Variants in DKK2 observed in about 807,000 individuals in gnomAD.
The protein encoded by DKK2 is dickkopf Wnt signaling pathway inhibitor 2.
A neutral mutation model predicts 28.1 loss-of-function variants in DKK2; 11 were observed. The observed-to-expected ratio is 0.39, with a 90% CI of 0.25 to 0.65. The LOEUF (loss-of-function observed/expected upper bound fraction) is 0.65, where lower values mean the gene tolerates loss of function less well. Among genes scored for constraint, DKK2 ranks in the 30% least tolerant of loss-of-function variants. The probability of loss-of-function intolerance (pLI) is 0.47; values close to 1 mark genes in which losing one functional copy is unlikely to be tolerated. For synonymous variants in DKK2, 135 were observed against 126.5 expected (o/e 1.07, Z -0.45); for missense variants, 326 against 335.5 (o/e 0.97, Z 0.22).
At chr4:106,993,918 A>G (rs1183875949) in intron 1 of DKK2, among the ~76,000 whole-genome samples, 1 of 152,168 alleles carries the variant, frequency 6.6e-6, no homozygotes, top group Non-Finnish European at 1.5e-5. Flanking sequence ...GAGATGGAGA[A>G]TTTATATGAG....
At position 107,035,672 on chromosome 4, in the gene DKK2, C is replaced by T; in HGVS notation, c.-81G>A. 2 of 1,497,064 alleles carry T rather than the reference C, an allele frequency of 1.3e-6. No individual in the cohort carries two copies. The highest frequency in any genetic ancestry group is 1.8e-6 in the Non-Finnish European group (2 of 1,093,148). 92.7% of individuals were successfully genotyped at this position (1,497,064 alleles called of 1,614,324 possible). On this transcript the variant is annotated 5_prime_UTR_variant, in exon 1 of 4. Transcript: ENST00000285311. ...AGGGAGGGAGGACCCCAACACGGGG[C>T]CCCTCACTTGGGTCGCGGGGGCTTG...
At position 106,957,647 on chromosome 4, in the gene DKK2, G is replaced by A. The variant is rs1197222695; in HGVS notation, c.223-31698C>T. On this transcript the variant is annotated intron_variant, in intron 1 of 3. Coordinates refer to ENST00000285311, the MANE Select transcript of DKK2 (RefSeq NM_014421.3). ...AAATCATCATTCTCAGTAAACTATC[G>A]CAAGGACAAAAAACCAAACACCACA... Among the ~76,000 whole-genome samples the A allele has an allele frequency of 4.4e-3, 652 of 147,900 alleles. 4 individuals are homozygous for A. The highest frequency in any genetic ancestry group is 0.015 in the African/African-American group (617 of 40,046).
intron 1 of DKK2, among the ~76,000 whole-genome samples, chr4:107,005,856 A>G (rs1017811440): frequency 5.3e-5 from 8 of 152,230 alleles, no homozygotes; most frequent in African/African-American, 1.7e-4. Flanking sequence ...ACTTACAAGA[A>G]GTTGTTCAGC....
chr4:106,983,802 G>A (rs140982514), intron 1 of DKK2, among the ~76,000 whole-genome samples: 28 of 152,254 alleles, frequency 1.8e-4, no homozygotes, highest in African/African-American at 5.1e-4. Flanking sequence ...GGCAAAAGAC[G>A]TGAAGAGACA....
intron 1 of DKK2, among the ~76,000 whole-genome samples, chr4:107,014,533 C>T (rs1364397060): frequency 6.6e-6 from 1 of 150,824 alleles, no homozygotes; most frequent in African/African-American, 2.4e-5. Context: ...TCATGGGGTA[C>T]AAAGTTACAG....
intron 1 of DKK2, among the ~76,000 whole-genome samples, chr4:106,962,275 A>G (rs1476418861): frequency 6.6e-6 from 1 of 152,168 alleles, no homozygotes; most frequent in African/African-American, 2.4e-5. Context: ...GGTAGTTATT[A>G]ATGACATTCT....
chr4:106,959,511 T>C (rs1722654966), intron 1 of DKK2, among the ~76,000 whole-genome samples: 1 of 152,054 alleles, frequency 6.6e-6, no homozygotes, highest in African/African-American at 2.4e-5. Flanking sequence ...TTTTCAAATA[T>C]TGCCTAAGAG....
intron 1 of DKK2, among the ~76,000 whole-genome samples, chr4:107,022,360 G>A (rs1723710309): frequency 6.6e-6 from 1 of 152,114 alleles, no homozygotes; most frequent in Non-Finnish European, 1.5e-5. Flanking sequence ...TGAAGAATTT[G>A]AATCACATCT....
At chr4:106,956,388 T>C (rs1722590650) in intron 1 of DKK2, among the ~76,000 whole-genome samples, 1 of 152,098 alleles carries the variant, frequency 6.6e-6, no homozygotes, top group Non-Finnish European at 1.5e-5. Flanking sequence ...CTTCACAGAA[T>C]TGGAAAAAAC....
intron 1 of DKK2, among the ~76,000 whole-genome samples, chr4:107,013,268 C>T (rs1211037937): frequency 6.6e-6 from 1 of 151,250 alleles, no homozygotes; most frequent in Admixed American, 6.6e-5. Context: ...AGGCATCATA[C>T]TATTAATACC....
chr4:107,005,988 C>CA (rs1723432375), intron 1 of DKK2, among the ~76,000 whole-genome samples: 1 of 152,036 alleles, frequency 6.6e-6, no homozygotes, highest in African/African-American at 2.4e-5. Context: ...CTTATCTCTA[C>CA]AAAAATGAGT....
At chr4:106,958,851 A>G (rs536003995) in intron 1 of DKK2, among the ~76,000 whole-genome samples, 3,270 of 151,058 alleles carry the variant, frequency 0.022, 49 homozygotes, top group Non-Finnish European at 0.033. Context: ...AAAAAAAAAA[A>G]AAAAGAAAGA....
At chr4:107,032,396 A>G (rs911115610) in intron 1 of DKK2, among the ~76,000 whole-genome samples, 2 of 152,104 alleles carry the variant, frequency 1.3e-5, no homozygotes, top group African/African-American at 2.4e-5. Context: ...CACCTTGCCT[A>G]TGGAACAAGT....
At chr4:106,972,285 T>C (rs1384590219) in intron 1 of DKK2, among the ~76,000 whole-genome samples, 1 of 152,042 alleles carries the variant, frequency 6.6e-6, no homozygotes, top group Non-Finnish European at 1.5e-5. Context: ...ATTCACTAAT[T>C]ACAAAGCAAG....
Position 107,035,600 on chromosome 4 carries a change from G to A in DKK2, c.-9C>T, listed in dbSNP as rs199592312. ...CGCATCAACGCGGCCATCTCCCGGC[G>A]AGGGGGTCCCCAGGAAGACGCAAAG... is the stretch of plus-strand genomic sequence containing the variant. On this transcript the variant is annotated 5_prime_UTR_variant, in exon 1 of 4. Transcript: ENST00000285311. The A allele has an allele frequency of 1.5e-5, 25 of 1,613,464 alleles. No individual in the cohort carries two copies. In the Admixed American group the frequency reaches 2.0e-4, roughly 13 times the overall value.
chr4:106,962,491 ATGTGTGTGTGTGTGTGTGTG>A (rs59831895), intron 1 of DKK2, among the ~76,000 whole-genome samples: 1,268 of 117,698 alleles, frequency 0.011, 12 homozygotes, highest in Non-Finnish European at 0.014. Context: ...CAGAAAAACT[ATGTGTGTGTGTGTGTGTGTG>A]TGTGTGTGTG....
chr4:106,953,448 G>T (rs1402939514), intron 1 of DKK2, among the ~76,000 whole-genome samples: 2 of 152,084 alleles, frequency 1.3e-5, no homozygotes, highest in African/African-American at 4.8e-5. Context: ...AAAGAACAAA[G>T]TGCTTTTAAA....
intron 1 of DKK2, among the ~76,000 whole-genome samples, chr4:106,993,502 T>C (rs1364709723): frequency 2.0e-5 from 3 of 152,174 alleles, no homozygotes; most frequent in Non-Finnish European, 4.4e-5. Context: ...AGTAAATACG[T>C]TGGCTACTTG....
At position 106,924,565 on chromosome 4, in the gene DKK2, G is replaced by A. The variant is rs573677337; in HGVS notation, c.509C>T (p.Thr170Ile). 2 of 1,613,514 alleles carry A rather than the reference G, an allele frequency of 1.2e-6. No individual in the cohort carries two copies. Among genetic ancestry groups the A allele is most frequent in the African/African-American group, 2.7e-5 (2 of 74,816 alleles). ...CCTACCTTTTATATGTGACATCTTA[G>A]TGTGTGGTCTTCCTAGATTCTGCCA... ...LGWQNLGRPH[T>I]KMSHIKGHEG... The change falls in exon 3 of 4, where the codon ACT becomes ATT. Residue 170 changes from threonine (T) to isoleucine (I), a missense_variant. By Grantham distance (89) the Thr-to-Ile change is moderately conservative. Coordinates refer to ENST00000285311, the MANE Select transcript of DKK2 (RefSeq NM_014421.3).
Sources: gnomAD v4.1 joint callset for allele counts (sites outside exome capture counted in the v4.1 genomes callset) on GRCh38, gnomAD v4.1.1 for gene constraint, MANE v1.5 for transcripts, NCBI Gene and HGNC (gene_info 2026-07-23, HGNC 2026-07-21) for gene names.